LMO7: variants seen among roughly 807,000 people sequenced by gnomAD.
LMO7 encodes LIM domain 7.
LMO7 carries 120 observed loss-of-function variants against 206.5 expected under a neutral mutation model. The observed-to-expected ratio is 0.58, with a 90% CI of 0.50 to 0.68. The LOEUF is 0.68. Ranked by LOEUF, LMO7 falls within the 30% of genes least tolerant of loss-of-function variation. The pLI is 0.00. For missense variants in LMO7, 1,959 were observed against 1,957.9 expected, an observed-to-expected ratio of 1.00 and a Z score of -0.01; for synonymous variants, 706 against 681.5, an observed-to-expected ratio of 1.04 and a Z score of -0.56.
At chr13:75,771,980 A>G (rs2049812342) in intron 4 of LMO7, among the ~76,000 whole-genome samples, 1 of 152,080 alleles carries the variant, frequency 6.6e-6, no homozygotes, top group South Asian at 2.1e-4. Context: ...GTAACAATAA[A>G]TAGTGCAGTC....
chr13:75,694,498 G>A (rs17064886), intron 1 of LMO7, among the ~76,000 whole-genome samples: 9,358 of 152,198 alleles, frequency 0.061, 572 homozygotes, highest in African/African-American at 0.15. Flanking sequence ...GGCAGGCATT[G>A]AAGTGTTAGG....
At chr13:75,686,025 T>C (rs2040954503) in intron 1 of LMO7, among the ~76,000 whole-genome samples, 3 of 151,322 alleles carry the variant, frequency 2.0e-5, no homozygotes, top group Admixed American at 2.0e-4. Context: ...CAGGTGTGCA[T>C]GACCACTCCT....
chr13:75,638,413 T>A (rs78903189), intron 1 of LMO7, among the ~76,000 whole-genome samples: 2,442 of 152,270 alleles, frequency 0.016, 65 homozygotes, highest in African/African-American at 0.049. Context: ...ATTGCGCATA[T>A]TACATGTGGT....
chr13:75,802,957 C>T (rs773155455), intron 7 of LMO7, among the ~76,000 whole-genome samples: 9 of 152,130 alleles, frequency 5.9e-5, no homozygotes, highest in Non-Finnish European at 8.8e-5. Flanking sequence ...TGCAGGACAC[C>T]GTACTGGGCT....
At chr13:75,765,543 T>A (rs536988852) in intron 4 of LMO7, among the ~76,000 whole-genome samples, 45 of 152,224 alleles carry the variant, frequency 3.0e-4, no homozygotes, top group Middle Eastern at 3.4e-3. Flanking sequence ...TATGTCTCTA[T>A]CCCATTCAAC....
chr13:75,680,730 C>T (rs1015683939), intron 1 of LMO7, among the ~76,000 whole-genome samples: 1 of 152,060 alleles, frequency 6.6e-6, no homozygotes, highest in Non-Finnish European at 1.5e-5. Flanking sequence ...ATCCCCCAAC[C>T]CCTTGACAGG....
intron 4 of LMO7, among the ~76,000 whole-genome samples, chr13:75,782,785 A>G (rs749290244): frequency 1.3e-5 from 2 of 152,126 alleles, no homozygotes; most frequent in African/African-American, 2.4e-5. Flanking sequence ...TGTGGTCACA[A>G]TCCCTTCTCC....
rs1370721729 is a variant in LMO7, at chr13:75,800,787, A to G, written c.566A>G (p.His189Arg). 2 of 1,614,168 alleles carry G rather than the reference A, an allele frequency of 1.2e-6. No homozygotes were observed. The highest frequency in any genetic ancestry group is 1.3e-5 in the African/African-American group (1 of 75,064). Residue 189 changes from histidine (H) to arginine (R), a missense_variant, in exon 7 of 31, where the codon CAT (histidine) becomes CGT (arginine). Physicochemically the swap from His to Arg is conservative, Grantham distance 29. Coordinates refer to ENST00000377534, the MANE Select transcript of LMO7 (RefSeq NM_001306080.2). The stretch of plus-strand genomic sequence containing the variant: ...GAATTTCTTGCTCCTCCAAGGCACC[A>G]TAAGAGAGAAGATTCCTTTGAAAGC... ...RGEFLAPPRH[H>R]KREDSFESLD...
Position 75,840,108 on chromosome 13 carries a change from G to T in LMO7, c.3475G>T (p.Asp1159Tyr). ...AGGAAGCTCTGATTCGGTGGTTCCT[G>T]ATGTAAGTAGCATTCATTTGTCATT... is the stretch of plus-strand genomic sequence containing the variant. ...EQGSSDSVVP[D>Y]LPVPTISAPS... Residue 1159 changes from aspartate to tyrosine, a missense_variant and splice_region_variant, in exon 21 of 31, where the codon GAT becomes TAT. By Grantham distance (160) the Asp-to-Tyr change is radical. Coordinates refer to ENST00000377534, the MANE Select transcript of LMO7 (RefSeq NM_001306080.2). 6.2e-7 allele frequency: 1 copy of T among 1,613,984 alleles called. No individual in the cohort carries two copies. Among genetic ancestry groups the T allele is most frequent in the Non-Finnish European group, 8.5e-7 (1 of 1,179,862 alleles).
At chr13:75,820,380 C>T (rs1236984027) in intron 13 of LMO7, among the ~76,000 whole-genome samples, 1 of 152,132 alleles carries the variant, frequency 6.6e-6, no homozygotes, top group African/African-American at 2.4e-5. Context: ...AGTTTGATCT[C>T]CACAAAAGCC....
intron 1 of LMO7, among the ~76,000 whole-genome samples, chr13:75,684,447 G>A (rs555987303): frequency 2.5e-4 from 38 of 151,604 alleles, no homozygotes; most frequent in African/African-American, 8.2e-4. Flanking sequence ...GTTTCTCCAC[G>A]TTGGTCAGGC....
intron 1 of LMO7, among the ~76,000 whole-genome samples, chr13:75,681,164 A>G (rs2040452201): frequency 6.6e-6 from 1 of 152,110 alleles, no homozygotes. Context: ...GCTTTAGTTT[A>G]ATTAGATCCC....
chr13:75,652,030 A>G lies in LMO7; in HGVS notation c.69+15304A>G, dbSNP rs190622472. Among the ~76,000 whole-genome samples the G allele has an allele frequency of 1.0e-3, 153 of 152,238 alleles. 1 individual carries two copies. In the South Asian group the frequency reaches 0.021, roughly 20 times the overall value. ...AGGAAGAAGAGATTGATAATGTTCA[A>G]TTGTATCTGCCACATTTACTTTCTG... On this transcript the variant is annotated intron_variant, in intron 1 of 30. Transcript: ENST00000377534.
chr13:75,747,441 A>G (rs1386111932), intron 3 of LMO7, among the ~76,000 whole-genome samples: 3 of 152,234 alleles, frequency 2.0e-5, no homozygotes, highest in Non-Finnish European at 2.9e-5. Flanking sequence ...AAAAGCACCC[A>G]TAGCCTGTAA....
intron 4 of LMO7, among the ~76,000 whole-genome samples, chr13:75,776,488 A>T (rs984105801): frequency 2.0e-5 from 3 of 152,000 alleles, no homozygotes; most frequent in East Asian, 1.9e-4. Context: ...AAAGCTTTTT[A>T]AAAAACTTCT....
intron 1 of LMO7, among the ~76,000 whole-genome samples, chr13:75,684,610 A>G (rs1055035817): frequency 2.0e-5 from 3 of 149,678 alleles, no homozygotes; most frequent in Non-Finnish European, 3.0e-5. Flanking sequence ...TGGGAAGGAC[A>G]TAGGAGTTGG....
chr13:75,821,102 C>A (rs906237467), intron 13 of LMO7, 75 bp from the exon 14 acceptor site: 2 of 1,129,036 alleles, frequency 1.8e-6, no homozygotes, highest in Non-Finnish European at 2.5e-6. Context: ...CCGTTTCATG[C>A]GTTGATTACT....
Position 75,820,929 on chromosome 13 carries a change from G to A in LMO7, c.2208-248G>A, listed in dbSNP as rs1182656017. On this transcript the variant is annotated intron_variant, in intron 13 of 30. Coordinates refer to ENST00000377534, the MANE Select transcript of LMO7 (RefSeq NM_001306080.2). ...GGAGAATTGCTTGAATGCGGGAGGC[G>A]GAGGTTGCAGGTGAGCTGAGATCGT... Among the ~76,000 whole-genome samples, 10 of 152,058 alleles carry A rather than the reference G, an allele frequency of 6.6e-5. No individual in the cohort carries two copies. The East Asian group carries it at 1.7e-3, about 27-fold the overall frequency.
At chr13:75,770,629 G>A (rs1337280713) in intron 4 of LMO7, among the ~76,000 whole-genome samples, 2 of 152,106 alleles carry the variant, frequency 1.3e-5, no homozygotes, top group Non-Finnish European at 2.9e-5. Context: ...GGGAATGCTG[G>A]ATTTGGAGTG....
Sources: allele counts gnomAD v4.1 joint callset (sites outside exome capture counted in the v4.1 genomes callset), GRCh38; gene constraint gnomAD v4.1.1; transcripts MANE v1.5; gene names NCBI Gene and HGNC (gene_info 2026-07-23, HGNC 2026-07-21).